Variants in PACSIN2 observed in about 807,000 individuals in gnomAD.
PACSIN2 encodes protein kinase C and casein kinase substrate in neurons protein 2.
A neutral mutation model predicts 63.8 loss-of-function variants in PACSIN2; 25 were observed. The observed-to-expected ratio is 0.39, with a 90% confidence interval of 0.29 to 0.55. The LOEUF (loss-of-function observed/expected upper bound fraction) is 0.55. Ranked by LOEUF, PACSIN2 falls within the 20% of genes least tolerant of loss-of-function variation. The pLI, the probability that PACSIN2 is intolerant of heterozygous loss-of-function variation, is 0.62. For missense variants in PACSIN2, 518 were observed against 646.9 expected, an observed-to-expected ratio of 0.80 and a Z score of 2.16; for synonymous variants, 255 against 256.2, an observed-to-expected ratio of 1.00 and a Z score of 0.05.
At chr22:43,001,055 C>T (rs563231572) in intron 1 of PACSIN2, among the ~76,000 whole-genome samples, 1 of 152,346 alleles carries the variant, frequency 6.6e-6, no homozygotes, top group South Asian at 2.1e-4. Context: ...AAAACTTAGG[C>T]CAAGGGCTGC....
intron 1 of PACSIN2, among the ~76,000 whole-genome samples, chr22:43,012,611 G>C (rs1924575745): frequency 1.3e-5 from 2 of 151,874 alleles, no homozygotes; most frequent in Non-Finnish European, 2.9e-5. Flanking sequence ...CTCCCAAGTA[G>C]CTGAGGCTGA....
rs1166194187 is a variant in PACSIN2, at chr22:42,987,485, CACACACACCCAT to C, written c.-78+27524_-78+27535del. On this transcript the variant is annotated intron_variant, in intron 1 of 10. Transcript: ENST00000263246. Reference sequence around the variant, plus strand: ...ACACACACACACACACACACACACACACACACACCCATGGCACCATGTTCAGAAGACGGGCAC... The same window carrying C: ...ACACACACACACACACACACACACACGGCACCATGTTCAGAAGACGGGCAC... Among the ~76,000 whole-genome samples, 327 of 115,416 alleles carry C rather than the reference CACACACACCCAT, an allele frequency of 2.8e-3. 2 individuals carry two copies. The highest frequency in any genetic ancestry group is 9.0e-3 in the African/African-American group (255 of 28,308). The allele number at this position is 115,416 out of a possible 152,430, so 75.7% of individuals were successfully genotyped here. A position where few individuals can be genotyped will look rare whatever the true frequency, so the allele number is the denominator to read the frequency against.
At chr22:42,973,817 G>A (rs548386828) in intron 1 of PACSIN2, among the ~76,000 whole-genome samples, 25 of 152,352 alleles carry the variant, frequency 1.6e-4, no homozygotes, top group African/African-American at 6.0e-4. Flanking sequence ...CTAGCACAGG[G>A]CTTAGGGTCT....
intron 1 of PACSIN2, among the ~76,000 whole-genome samples, chr22:42,979,638 C>A (rs772500816): frequency 6.6e-6 from 1 of 151,902 alleles, no homozygotes; most frequent in Non-Finnish European, 1.5e-5. Context: ...GGTCAGATAC[C>A]TCCTTCTCTA....
At chr22:42,965,018 T>C (rs1483003318) in intron 1 of PACSIN2, among the ~76,000 whole-genome samples, 1 of 152,220 alleles carries the variant, frequency 6.6e-6, no homozygotes, top group Non-Finnish European at 1.5e-5. Context: ...CTGTAGCACC[T>C]AGGTTTGTCA....
At chr22:42,935,602 T>C (rs1569294842) in intron 1 of PACSIN2, among the ~76,000 whole-genome samples, 2 of 152,210 alleles carry the variant, frequency 1.3e-5, no homozygotes, top group Non-Finnish European at 2.9e-5. Flanking sequence ...AAATTATTCA[T>C]CAAGTCCTAT....
At position 42,970,049 on chromosome 22, in the gene PACSIN2, T is replaced by C. The variant is rs570317773; in HGVS notation, c.-78+44972A>G. 8.4e-4 allele frequency among the ~76,000 whole-genome samples: 128 copies of C among 152,144 alleles called. 1 individual carries two copies. Among genetic ancestry groups the C allele is most frequent in the Non-Finnish European group, 1.4e-3 (94 of 68,002 alleles). On this transcript the variant is annotated intron_variant, in intron 1 of 10. Transcript: ENST00000263246. ...CAAAATCACAGAACCCAAATGCATC[T>C]CCACCTGACCTGGCATGCCCCCTTC...
At chr22:42,926,613 G>C (rs12484174) in intron 1 of PACSIN2, among the ~76,000 whole-genome samples, 9 of 152,016 alleles carry the variant, frequency 5.9e-5, no homozygotes, top group Admixed American at 4.6e-4. Flanking sequence ...AAAAAGAGAG[G>C]GGGGAAAACA....
intron 1 of PACSIN2, among the ~76,000 whole-genome samples, chr22:42,974,748 CAA>C (rs763775543): frequency 6.7e-4 from 39 of 58,446 alleles, no homozygotes; most frequent in Admixed American, 9.6e-4. Context: ...GATCTTGTCT[CAA>C]AAAAAAAAAA....
intron 5 of PACSIN2, among the ~76,000 whole-genome samples, chr22:42,888,219 G>C (rs1215601671): frequency 1.3e-5 from 2 of 152,208 alleles, no homozygotes; most frequent in South Asian, 2.1e-4. Flanking sequence ...CTGGTGATTT[G>C]GTCCTCATAA....
intron 1 of PACSIN2, among the ~76,000 whole-genome samples, chr22:42,932,750 C>T (rs1601540602): frequency 6.9e-6 from 1 of 145,010 alleles, no homozygotes; most frequent in East Asian, 2.0e-4. Context: ...AAAGTCAATT[C>T]TAAAAAAAAA....
intron 1 of PACSIN2, among the ~76,000 whole-genome samples, chr22:42,977,585 C>T (rs1261930569): frequency 6.6e-6 from 1 of 152,160 alleles, no homozygotes; most frequent in East Asian, 1.9e-4. Context: ...GGTGGAAATG[C>T]CCAGTAAAAG....
intron 10 of PACSIN2, among the ~76,000 whole-genome samples, chr22:42,873,624 C>T (rs1928349502): frequency 1.3e-5 from 2 of 152,180 alleles, no homozygotes; most frequent in African/African-American, 4.8e-5. Flanking sequence ...CAAGGGCACA[C>T]TTCAGCCTGT....
In PACSIN2 at chr22:42,877,424, G is replaced by T. The variant is rs545520066; in HGVS notation, c.1029-414C>A. Among the ~76,000 whole-genome samples, 284 of 152,196 alleles carry T rather than the reference G, an allele frequency of 1.9e-3. 2 individuals carry two copies. Among genetic ancestry groups the T allele is most frequent in the African/African-American group, 6.6e-3 (272 of 41,522 alleles). On this transcript the variant is annotated intron_variant, in intron 8 of 10. Transcript: ENST00000263246. Reference sequence around the variant, plus strand: ...CTCTGAGAGTGACAGTGTGGGAGGGGCCGGCTCCCATGGATGAGTGGGAGA... The same window carrying T: ...CTCTGAGAGTGACAGTGTGGGAGGGTCCGGCTCCCATGGATGAGTGGGAGA...
intron 1 of PACSIN2, among the ~76,000 whole-genome samples, chr22:42,996,942 A>C (rs1923445728): frequency 6.6e-6 from 1 of 152,254 alleles, no homozygotes; most frequent in Admixed American, 6.5e-5. Context: ...CACCTGGCAC[A>C]AAATGAGCCT....
intron 1 of PACSIN2, among the ~76,000 whole-genome samples, chr22:42,991,879 CA>C (rs910011808): frequency 5.3e-5 from 8 of 149,746 alleles, no homozygotes; most frequent in Admixed American, 2.7e-4. Flanking sequence ...AAATGGATCA[CA>C]GGCCTAAATG....
At chr22:42,990,548 G>A (rs972527615) in intron 1 of PACSIN2, among the ~76,000 whole-genome samples, 2 of 152,196 alleles carry the variant, frequency 1.3e-5, no homozygotes, top group African/African-American at 4.8e-5. Flanking sequence ...CCTGGAGGGA[G>A]GGGAAGGTGA....
At position 42,932,711 on chromosome 22, in the gene PACSIN2, G is replaced by C. The variant is rs143148433; in HGVS notation, c.-77-20554C>G. ...TAACTACAAATGTTTATTGAGCTGA[G>C]AGCAAAACAATTTTTTGATGATTCT... is the stretch of plus-strand genomic sequence containing the variant. On this transcript the variant is annotated intron_variant, in intron 1 of 10. Coordinates refer to ENST00000263246, the MANE Select transcript of PACSIN2 (RefSeq NM_001184970.3). Among the ~76,000 whole-genome samples, 1,430 of 150,252 alleles carry C rather than the reference G, an allele frequency of 9.5e-3. 14 individuals are homozygous for C. The highest frequency in any genetic ancestry group is 0.016 in the Non-Finnish European group (1,070 of 67,662).
At chr22:42,946,164 A>G (rs191725678) in intron 1 of PACSIN2, among the ~76,000 whole-genome samples, 180 of 152,378 alleles carry the variant, frequency 1.2e-3, no homozygotes, top group African/African-American at 4.2e-3. Flanking sequence ...AAGCAAAATA[A>G]TAAGAATCCT....
Sources: gnomAD v4.1 joint callset for allele counts (sites outside exome capture counted in the v4.1 genomes callset) on GRCh38, gnomAD v4.1.1 for gene constraint, MANE v1.5 for transcripts, NCBI Gene and HGNC (gene_info 2026-07-23, HGNC 2026-07-21) for gene names.